PDE5A: variants seen among roughly 807,000 people sequenced by gnomAD.
PDE5A encodes the protein phosphodiesterase 5A.
PDE5A carries 67 observed loss-of-function variants against 110.2 expected under a neutral mutation model. The observed-to-expected ratio is 0.61, with a 90% CI of 0.50 to 0.75. The LOEUF (loss-of-function observed/expected upper bound fraction) is 0.75. Among genes scored for constraint, PDE5A ranks in the 30% least tolerant of loss-of-function variants. The probability of loss-of-function intolerance (pLI) is 0.00; values close to 1 mark genes in which losing one functional copy is unlikely to be tolerated. For missense variants in PDE5A, 862 were observed against 1,045.1 expected, an observed-to-expected ratio of 0.82 and a Z score of 2.42; for synonymous variants, 328 against 351.2, an observed-to-expected ratio of 0.93 and a Z score of 0.74.
intron 2 of PDE5A, among the ~76,000 whole-genome samples, chr4:119,599,712 T>TACAC (rs3056797): frequency 0.22 from 32,287 of 147,084 alleles, 3,527 homozygotes; most frequent in East Asian, 0.27. Context: ...CAAGTGTGTA[T>TACAC]ACACACACAC....
In PDE5A at chr4:119,627,119, A is replaced by G. The variant is rs1216195760; in HGVS notation, c.152+1401T>C. The G allele has an allele frequency of 3.7e-6, 6 of 1,610,780 alleles. No individual in the cohort carries two copies. The highest frequency in any genetic ancestry group is 4.2e-6 in the Non-Finnish European group (5 of 1,178,194). Reference sequence around the variant, plus strand: ...CCGCCGCGCCCCCGGAAAAAGTGGGAAGGGACGTAGGGGGATGCTGAAGGA... The same window carrying G: ...CCGCCGCGCCCCCGGAAAAAGTGGGGAGGGACGTAGGGGGATGCTGAAGGA... On this transcript the variant is annotated intron_variant, in intron 1 of 20. Transcript: ENST00000354960. The surrounding 1 kb of genome is among the most constrained non-coding windows in gnomAD (Gnocchi z 4.6).
chr4:119,545,457 T>C (rs1226411609), intron 9 of PDE5A, among the ~76,000 whole-genome samples: 2 of 152,108 alleles, frequency 1.3e-5, no homozygotes, highest in African/African-American at 2.4e-5. Context: ...AAGAGAACCA[T>C]TCAGCAAAAA....
intron 3 of PDE5A, among the ~76,000 whole-genome samples, chr4:119,576,361 C>T (rs1728345479): frequency 6.6e-6 from 1 of 152,186 alleles, no homozygotes. Context: ...CAGAACTCTC[C>T]ACCCCAAATC....
At chr4:119,610,493 G>A (rs972614787) in intron 1 of PDE5A, among the ~76,000 whole-genome samples, 3 of 151,900 alleles carry the variant, frequency 2.0e-5, no homozygotes, top group African/African-American at 4.8e-5. Context: ...CTTCTCAACG[G>A]GAAATGGAGA....
In PDE5A at chr4:119,628,794, C is replaced by T. The variant is rs536731425; in HGVS notation, c.-123G>A. 3.5e-6 allele frequency: 5 copies of T among 1,436,400 alleles called. No individual in the cohort carries two copies. The highest frequency in any genetic ancestry group is 3.8e-6 in the Non-Finnish European group (4 of 1,056,068). 89.0% of individuals were successfully genotyped at this position (1,436,400 alleles called of 1,614,324 possible). On this transcript the variant is annotated 5_prime_UTR_variant, in exon 1 of 21. Transcript: ENST00000354960. ...CCCCTTCGTCCTGCTCCAGTCGGGC[C>T]GGCTTTCGACAAAGCGGCCGGAGCG...
intron 1 of PDE5A, among the ~76,000 whole-genome samples, chr4:119,611,444 C>T (rs944993647): frequency 5.9e-5 from 9 of 151,634 alleles, no homozygotes; most frequent in African/African-American, 9.7e-5. Flanking sequence ...TATCTAAATG[C>T]TGGTGTGTTT....
rs143675663 is a variant in PDE5A, at chr4:119,510,752, AAGC to A, written c.2088+292_2088+294del. ...ACCACTTCATTCGATTAAACAAAAA[AAGC>A]AGAATTAACTGAGAGCCACAAAATA... On this transcript the variant is annotated intron_variant, in intron 15 of 20. Coordinates refer to ENST00000354960, the MANE Select transcript of PDE5A (RefSeq NM_001083.4). 6.4e-3 allele frequency among the ~76,000 whole-genome samples: 975 copies of A among 152,254 alleles called. 8 individuals are homozygous for A. Among genetic ancestry groups the A allele is most frequent in the African/African-American group, 0.023 (936 of 41,570 alleles).
At chr4:119,566,595 C>T (rs1008364567) in intron 4 of PDE5A, among the ~76,000 whole-genome samples, 1 of 152,124 alleles carries the variant, frequency 6.6e-6, no homozygotes, top group East Asian at 1.9e-4. Context: ...TTTACATCAT[C>T]CAGCCTGAAT....
At chr4:119,518,677 G>A (rs1236681252) in intron 14 of PDE5A, among the ~76,000 whole-genome samples, 2 of 152,284 alleles carry the variant, frequency 1.3e-5, no homozygotes, top group East Asian at 3.9e-4. Context: ...CACTTAATAA[G>A]TATGTAGGGC....
chr4:119,531,108 C>G (rs747953890), intron 11 of PDE5A, among the ~76,000 whole-genome samples: 3 of 152,102 alleles, frequency 2.0e-5, no homozygotes, highest in Non-Finnish European at 4.4e-5. Flanking sequence ...TAGGAAGTTA[C>G]TGAAAATGGT....
chr4:119,542,608 C>CT lies in PDE5A; in HGVS notation c.1422_1423insA (p.Glu475ArgfsTer8). The CT allele has an allele frequency of 1.2e-6, 2 of 1,613,838 alleles. No individual in the cohort carries two copies. Among genetic ancestry groups the CT allele is most frequent in the Non-Finnish European group, 1.7e-6 (2 of 1,179,820 alleles). On this transcript the variant is annotated frameshift_variant, in exon 10 of 21. Coordinates refer to ENST00000354960, the MANE Select transcript of PDE5A (RefSeq NM_001083.4). LOFTEE classifies it high-confidence loss of function. ...GGCTTAACCTTGCCAGTATTCTCCT[C>CT]CATCTTATTAACAAGTTGGCAAACC...
At chr4:119,539,089 T>G in intron 10 of PDE5A, 70 bp from the exon 11 acceptor site, 1 of 1,152,876 alleles carries the variant, frequency 8.7e-7, no homozygotes, top group Non-Finnish European at 1.3e-6. Flanking sequence ...AACTTCAAGC[T>G]TGGAATTCTG....
chr4:119,502,043 G>GA (rs1725359185), intron 19 of PDE5A, among the ~76,000 whole-genome samples: 2 of 152,214 alleles, frequency 1.3e-5, no homozygotes, highest in Admixed American at 6.6e-5. Context: ...GAAAACTGGG[G>GA]AGACTGTGGT....
chr4:119,612,383 C>T (rs969405847), intron 1 of PDE5A, among the ~76,000 whole-genome samples: 1 of 152,096 alleles, frequency 6.6e-6, no homozygotes, highest in African/African-American at 2.4e-5. Flanking sequence ...TACATGGTAC[C>T]TCCCACCATC....
intron 7 of PDE5A, among the ~76,000 whole-genome samples, chr4:119,557,581 A>AT (rs1727586563): frequency 1.3e-5 from 2 of 152,152 alleles, no homozygotes; most frequent in South Asian, 4.1e-4. Context: ...CCAAAGACAA[A>AT]TAAAAAAAAA....
intron 6 of PDE5A, 105 bp from the exon 7 acceptor site, chr4:119,560,468 G>T: frequency 1.8e-6 from 1 of 557,996 alleles, no homozygotes. Context: ...CCCAATACTT[G>T]TAGTATATTT....
At chr4:119,620,829 T>C (rs1730117524) in intron 1 of PDE5A, among the ~76,000 whole-genome samples, 1 of 152,230 alleles carries the variant, frequency 6.6e-6, no homozygotes, top group Non-Finnish European at 1.5e-5. Context: ...TATGCATATA[T>C]GCCTTCATAG....
At position 119,501,031 on chromosome 4, in the gene PDE5A, T is replaced by TAAAAG. The variant is rs143239844; in HGVS notation, c.2490+134_2490+138dup. The TAAAAG allele has an allele frequency of 2.6e-3, 1,536 of 600,340 alleles. 16 individuals carry two copies. In the African/African-American group the frequency reaches 0.026, roughly 10 times the overall value. The allele number at this position is 600,340 out of a possible 1,614,324, so 37.2% of individuals were successfully genotyped here. On this transcript the variant is annotated intron_variant, in intron 20 of 20. Transcript: ENST00000354960. ...TGTTCAATACAAACATGTTCATCAG[T>TAAAAG]AAAAGAAACCATACTGCTAATAATT...
intron 1 of PDE5A, among the ~76,000 whole-genome samples, chr4:119,619,874 A>C (rs1479454858): frequency 6.6e-6 from 1 of 152,222 alleles, no homozygotes; most frequent in African/African-American, 2.4e-5. Context: ...CTGGGGTTGA[A>C]GCCTAAGGCT....
Sources: allele counts gnomAD v4.1 joint callset (sites outside exome capture counted in the v4.1 genomes callset), GRCh38; gene constraint gnomAD v4.1.1; non-coding constraint Gnocchi (gnomAD v3.1); transcripts MANE v1.5; gene names NCBI Gene and HGNC (gene_info 2026-07-23, HGNC 2026-07-21).